The following GRID2 variants were observed in gnomAD, a reference collection of about 807,000 sequenced individuals.
The protein encoded by GRID2 is glutamate receptor ionotropic, delta-2.
Under a neutral mutation model 114.8 loss-of-function variants are expected in GRID2, and 33 were observed. The ratio of observed to expected loss-of-function variants is 0.29; its 90% CI spans 0.22 to 0.38. The LOEUF is 0.38. Among genes scored for constraint, GRID2 ranks in the 10% least tolerant of loss-of-function variants. The pLI is 1.00. For synonymous variants in GRID2, 505 were observed against 449.9 expected (o/e 1.12, Z -1.55); for missense variants, 1,184 against 1,257.7 (o/e 0.94, Z 0.89).
intron 8 of GRID2, among the ~76,000 whole-genome samples, chr4:93,325,987 G>A (rs947366446): frequency 6.6e-6 from 1 of 152,114 alleles, no homozygotes; most frequent in African/African-American, 2.4e-5. Flanking sequence ...ATGATTAACT[G>A]GGTAATCTTA....
intron 2 of GRID2, among the ~76,000 whole-genome samples, chr4:92,651,288 T>C (rs1258783225): frequency 6.6e-6 from 1 of 152,030 alleles, no homozygotes; most frequent in South Asian, 2.1e-4. Context: ...TGGTGCCACA[T>C]CAGGGACTCA....
chr4:93,352,665 G>A (rs1325827996), intron 8 of GRID2, among the ~76,000 whole-genome samples: 4 of 151,994 alleles, frequency 2.6e-5, no homozygotes, highest in Non-Finnish European at 4.4e-5. Context: ...TAGTTTTATG[G>A]CCTGATGCAT....
At chr4:93,166,729 C>G (rs904526396) in intron 4 of GRID2, among the ~76,000 whole-genome samples, 7 of 152,074 alleles carry the variant, frequency 4.6e-5, no homozygotes, top group African/African-American at 1.4e-4. Flanking sequence ...AAGGAAGAAC[C>G]TGGGGAACCA....
chr4:92,768,943 C>T (rs1738399876), intron 2 of GRID2, among the ~76,000 whole-genome samples: 1 of 152,198 alleles, frequency 6.6e-6, no homozygotes, highest in South Asian at 2.1e-4. Flanking sequence ...GCTCCCAAAT[C>T]TCATGTCCTC....
intron 2 of GRID2, among the ~76,000 whole-genome samples, chr4:92,994,318 T>C (rs1377758104): frequency 6.6e-6 from 1 of 152,108 alleles, no homozygotes; most frequent in East Asian, 1.9e-4. Context: ...TCATGTAACA[T>C]GTTTCGCACT....
intron 2 of GRID2, among the ~76,000 whole-genome samples, chr4:92,991,256 C>G (rs1194107695): frequency 1.3e-5 from 2 of 152,010 alleles, no homozygotes; most frequent in East Asian, 1.9e-4. Context: ...CTTGAAGATT[C>G]AATAAAAGGG....
intron 14 of GRID2, among the ~76,000 whole-genome samples, chr4:93,709,895 C>T (rs1728335086): frequency 1.3e-5 from 2 of 152,140 alleles, no homozygotes; most frequent in Non-Finnish European, 2.9e-5. Context: ...CATTTTTTAG[C>T]ACCAGAATTC....
intron 8 of GRID2, among the ~76,000 whole-genome samples, chr4:93,368,148 T>C (rs1383748089): frequency 6.6e-6 from 1 of 152,128 alleles, no homozygotes; most frequent in Admixed American, 6.6e-5. Flanking sequence ...AGAACATCAT[T>C]TTAATCCAGT....
chr4:92,746,314 T>C (rs1737146097), intron 2 of GRID2, among the ~76,000 whole-genome samples: 1 of 152,132 alleles, frequency 6.6e-6, no homozygotes, highest in Non-Finnish European at 1.5e-5. Flanking sequence ...ATATAACTTT[T>C]AAAATATATT....
At chr4:93,453,316 A>AGAGAGAGAGAGAGAG (rs1553932509) in intron 10 of GRID2, among the ~76,000 whole-genome samples, 1 of 127,210 alleles carries the variant, frequency 7.9e-6, no homozygotes, top group East Asian at 3.0e-4. Context: ...AGAGATGGGA[A>AGAGAGAGAGAGAGAG]AGAGAGAGAG....
chr4:92,350,853 G>C (rs932336440), intron 1 of GRID2, among the ~76,000 whole-genome samples: 1 of 151,728 alleles, frequency 6.6e-6, no homozygotes, highest in African/African-American at 2.4e-5. Flanking sequence ...CCAAGCCCTA[G>C]GAAACCACTA....
intron 1 of GRID2, among the ~76,000 whole-genome samples, chr4:92,353,514 A>T (rs574031131): frequency 6.6e-6 from 1 of 151,980 alleles, no homozygotes; most frequent in Admixed American, 6.6e-5. Flanking sequence ...GGAGTCTCTA[A>T]TCATTTGTCT....
At chr4:93,098,882 C>T (rs1731453436) in intron 3 of GRID2, among the ~76,000 whole-genome samples, 1 of 151,768 alleles carries the variant, frequency 6.6e-6, no homozygotes. Flanking sequence ...ACCATATCCT[C>T]ACCTCTACTT....
In GRID2 at chr4:92,949,055, C is replaced by G. The variant is rs184644704; in HGVS notation, c.245-135940C>G. Among the ~76,000 whole-genome samples, 48 of 151,150 alleles carry G rather than the reference C, an allele frequency of 3.2e-4. No homozygotes were observed. In the East Asian group the frequency reaches 9.3e-3, roughly 29 times the overall value. ...TCTTAGTTGAATAACAGTATCAGTC[C>G]TATAAGCATGTAATGATACAAGAAG... On this transcript the variant is annotated intron_variant, in intron 2 of 15. Coordinates refer to ENST00000282020, the MANE Select transcript of GRID2 (RefSeq NM_001510.4).
intron 2 of GRID2, among the ~76,000 whole-genome samples, chr4:92,646,276 A>T (rs1265535651): frequency 6.6e-6 from 1 of 152,006 alleles, no homozygotes; most frequent in Non-Finnish European, 1.5e-5. Flanking sequence ...CCCAATTTTT[A>T]AAAATTGAGT....
chr4:92,755,446 A>G (rs1473354813), intron 2 of GRID2, among the ~76,000 whole-genome samples: 1 of 152,154 alleles, frequency 6.6e-6, no homozygotes, highest in African/African-American at 2.4e-5. Flanking sequence ...TAAGCAGATA[A>G]AGCAATGCAG....
chr4:93,557,835 G>A (rs555402313), intron 13 of GRID2, among the ~76,000 whole-genome samples: 1 of 152,084 alleles, frequency 6.6e-6, no homozygotes, highest in Non-Finnish European at 1.5e-5. Flanking sequence ...CACATAATTG[G>A]AAGTAAAACA....
intron 1 of GRID2, among the ~76,000 whole-genome samples, chr4:92,543,107 A>AT (rs1726064746): frequency 6.6e-6 from 1 of 152,146 alleles, no homozygotes; most frequent in Non-Finnish European, 1.5e-5. Flanking sequence ...AGGAAGAGAG[A>AT]TGAATTTTCC....
rs563172231 is a variant in GRID2, at chr4:93,523,920, C to T, written c.2193+8509C>T. On this transcript the variant is annotated intron_variant, in intron 13 of 15. Coordinates refer to ENST00000282020, the MANE Select transcript of GRID2 (RefSeq NM_001510.4). ...CTGTTACACAGCTTCATCTATACTT[C>T]GTCCTGACCTTGCATGTCGGCCATA... Among the ~76,000 whole-genome samples the T allele has an allele frequency of 8.3e-4, 126 of 152,216 alleles. 2 individuals carry two copies. Among genetic ancestry groups the T allele is most frequent in the Admixed American group, 2.2e-3 (34 of 15,278 alleles).
Sources: gnomAD v4.1 joint callset for allele counts (sites outside exome capture counted in the v4.1 genomes callset) on GRCh38, gnomAD v4.1.1 for gene constraint, MANE v1.5 for transcripts, NCBI Gene and HGNC (gene_info 2026-07-23, HGNC 2026-07-21) for gene names.